DIAPH2: variants seen among roughly 807,000 people sequenced by gnomAD.
The protein encoded by DIAPH2 is protein diaphanous homolog 2.
DIAPH2 carries 35 observed loss-of-function variants against 92.7 expected under a neutral mutation model. The ratio of observed to expected loss-of-function variants is 0.38; its 90% CI spans 0.29 to 0.50. The LOEUF (loss-of-function observed/expected upper bound fraction) is 0.50. DIAPH2 is among the 20% of genes least tolerant of loss of function. The probability of loss-of-function intolerance (pLI) is 0.94; values close to 1 mark genes in which losing one functional copy is unlikely to be tolerated. For synonymous variants in DIAPH2, 301 were observed against 280.4 expected, an observed-to-expected ratio of 1.07 and a Z score of -0.73; for missense variants, 701 against 819.5, an observed-to-expected ratio of 0.86 and a Z score of 1.77.
chrX:97,323,924 AAT>A (rs1449723946), intron 23 of DIAPH2, among the ~76,000 whole-genome samples: 4 of 109,553 alleles, frequency 3.7e-5, no homozygotes, highest in Non-Finnish European at 7.6e-5. Context: ...AAAAAAAAAA[AAT>A]AAGTAAGCTC....
chrX:97,300,447 G>A (rs2147624742), intron 23 of DIAPH2, among the ~76,000 whole-genome samples: 1 of 110,053 alleles, frequency 9.1e-6, no homozygotes, highest in Admixed American at 9.8e-5. Context: ...TTGGTAGAGA[G>A]TGCATATGAT....
chrX:96,698,103 T>C (rs1443498131), intron 1 of DIAPH2, among the ~76,000 whole-genome samples: 2 of 112,044 alleles, frequency 1.8e-5, no homozygotes, highest in East Asian at 2.8e-4. Flanking sequence ...AGAAGGCCTG[T>C]GTACTTTACT....
chrX:96,855,357 G>T (rs1206982224), intron 4 of DIAPH2, among the ~76,000 whole-genome samples: 1 of 110,605 alleles, frequency 9.0e-6, no homozygotes, highest in Non-Finnish European at 1.9e-5. Flanking sequence ...TTCAAATTAG[G>T]ATTGGGTTTA....
At chrX:97,037,235 T>C (rs1180411354) in intron 17 of DIAPH2, among the ~76,000 whole-genome samples, 1 of 111,538 alleles carries the variant, frequency 9.0e-6, no homozygotes, top group African/African-American at 3.3e-5. Context: ...ATTTCATCTT[T>C]TGTGTACTTT....
At chrX:96,756,240 C>A (rs775046319) in intron 3 of DIAPH2, among the ~76,000 whole-genome samples, 2 of 110,700 alleles carry the variant, frequency 1.8e-5, no homozygotes, top group Admixed American at 9.6e-5. Context: ...TTGTATCACC[C>A]CATAAAGAAA....
At chrX:97,429,810 CAAA>C (rs375312429) in intron 26 of DIAPH2, 65 bp downstream of exon 26, 144 of 804,469 alleles carry the variant, frequency 1.8e-4, no homozygotes, top group Admixed American at 3.3e-4. Context: ...GTAGCAACAC[CAAA>C]AAAAAAAAAG....
intron 26 of DIAPH2, among the ~76,000 whole-genome samples, chrX:97,535,690 T>A (rs2071090700): frequency 8.9e-6 from 1 of 111,977 alleles, no homozygotes; most frequent in Non-Finnish European, 1.9e-5. Flanking sequence ...CCTCAAGTGA[T>A]CCACCTGCCT....
chrX:97,048,261 A>G (rs1177339329), intron 17 of DIAPH2, among the ~76,000 whole-genome samples: 3 of 108,571 alleles, frequency 2.8e-5, no homozygotes, highest in African/African-American at 6.7e-5. Flanking sequence ...CTCCATCTCT[A>G]TTTCTTCTTC....
At chrX:96,872,793 C>T (rs748836314) in intron 4 of DIAPH2, among the ~76,000 whole-genome samples, 1 of 110,546 alleles carries the variant, frequency 9.0e-6, no homozygotes, top group African/African-American at 3.3e-5. Context: ...CACGCCTGGC[C>T]CCTGTGCCAC....
At chrX:96,851,060 A>C (rs55924549) in intron 4 of DIAPH2, among the ~76,000 whole-genome samples, 1 of 111,115 alleles carries the variant, frequency 9.0e-6, no homozygotes, top group Non-Finnish European at 1.9e-5. Flanking sequence ...GTTCCCTAGA[A>C]TGTACTTATT....
chrX:97,069,685 C>T (rs1041054061), intron 17 of DIAPH2, among the ~76,000 whole-genome samples: 2 of 111,797 alleles, frequency 1.8e-5, no homozygotes, highest in Non-Finnish European at 3.8e-5. Flanking sequence ...GTCTTTCTCA[C>T]TGAAATTTTA....
intron 17 of DIAPH2, among the ~76,000 whole-genome samples, chrX:97,056,985 A>G (rs978884847): frequency 2.7e-5 from 3 of 111,962 alleles, no homozygotes; most frequent in African/African-American, 9.7e-5. Context: ...ATGGGATCCT[A>G]TCTTGAAGAG....
chrX:97,258,582 A>G lies in DIAPH2; in HGVS notation c.2844+10743A>G, dbSNP rs150000660. On this transcript the variant is annotated intron_variant, in intron 23 of 26. Coordinates refer to ENST00000324765, the MANE Select transcript of DIAPH2 (RefSeq NM_006729.5). ...AGCGAGACTCCGCCTCAAAAAAAATAATAAGAGCCAGTCACGGTGGCTCAC... is the reference window on the plus strand; with the variant it reads ...AGCGAGACTCCGCCTCAAAAAAAATGATAAGAGCCAGTCACGGTGGCTCAC... Among the ~76,000 whole-genome samples the G allele has an allele frequency of 4.9e-3, 480 of 98,669 alleles. 4 individuals carry two copies. Among genetic ancestry groups the G allele is most frequent in the Admixed American group, 0.038 (348 of 9,197 alleles). 85.7% of individuals were successfully genotyped at this position (98,669 alleles called of 115,157 possible). A position where few individuals can be genotyped will look rare whatever the true frequency, so the allele number is the denominator to read the frequency against.
At chrX:96,976,291 GA>G (rs35575627) in intron 17 of DIAPH2, among the ~76,000 whole-genome samples, 44,547 of 102,525 alleles carry the variant, frequency 0.43, 7,439 homozygotes, top group South Asian at 0.54. Flanking sequence ...CCATCTCAAA[GA>G]AAAAAAAAAA....
intron 26 of DIAPH2, among the ~76,000 whole-genome samples, chrX:97,432,673 G>T (rs1748167506): frequency 9.0e-6 from 1 of 111,286 alleles, no homozygotes; most frequent in Non-Finnish European, 1.9e-5. Flanking sequence ...TTTTAGTAGA[G>T]ATGGTATTTC....
At chrX:97,312,345 C>CATTTTTTTTTTTTTTTTTTTTTTTTTTTT (rs202046146) in intron 23 of DIAPH2, among the ~76,000 whole-genome samples, 1 of 54,945 alleles carries the variant, frequency 1.8e-5, no homozygotes. Flanking sequence ...CAATAGAATC[C>CATTTTTTTTTTTTTTTTTTTTTTTTTTTT]TTTTTTTTTT....
rs1258254944 is a variant in DIAPH2, at chrX:97,602,191, G to C, written c.*2874G>C. 1 of 112,104 alleles carries C rather than the reference G, an allele frequency of 8.9e-6. No individual in the cohort carries two copies. The highest frequency in any genetic ancestry group is 1.9e-5 in the Non-Finnish European group (1 of 53,182). 9.2% of individuals were successfully genotyped at this position (112,104 alleles called of 1,213,427 possible). On this transcript the variant is annotated 3_prime_UTR_variant, in exon 27 of 27. Coordinates refer to ENST00000324765, the MANE Select transcript of DIAPH2 (RefSeq NM_006729.5). ...TTAGCCCACCAGAGTCTGCCCTTTG[G>C]CCCAAAATTTATGTCTGTCTCATGT...
chrX:97,099,344 C>T (rs950425936), intron 19 of DIAPH2, among the ~76,000 whole-genome samples: 33 of 108,979 alleles, frequency 3.0e-4, no homozygotes, highest in African/African-American at 1.0e-3. Flanking sequence ...CCAGCCAGGG[C>T]GACAGAGCGA....
At chrX:96,797,968 C>T (rs2064553386) in intron 4 of DIAPH2, among the ~76,000 whole-genome samples, 1 of 112,371 alleles carries the variant, frequency 8.9e-6, no homozygotes, top group African/African-American at 3.2e-5. Flanking sequence ...GTGCAGGACC[C>T]CCTGCAAATA....
Sources: allele counts gnomAD v4.1 joint callset (sites outside exome capture counted in the v4.1 genomes callset), GRCh38; gene constraint gnomAD v4.1.1; transcripts MANE v1.5; gene names NCBI Gene and HGNC (gene_info 2026-07-23, HGNC 2026-07-21).